Variants in ADGRL3 observed in about 807,000 individuals in gnomAD.
The protein encoded by ADGRL3 is calcium-independent alpha-latrotoxin receptor 3.
In ADGRL3, 62 loss-of-function variants were observed where a neutral mutation model predicts 153.5. The observed-to-expected ratio is 0.40, with a 90% CI of 0.33 to 0.50. ADGRL3 has a LOEUF of 0.50. Among genes scored for constraint, ADGRL3 ranks in the 20% least tolerant of loss-of-function variants. ADGRL3 has a pLI of 0.47. For synonymous variants in ADGRL3, 710 were observed against 672.5 expected, an observed-to-expected ratio of 1.06 and a Z score of -0.86; for missense variants, 1,641 against 1,859.4, an observed-to-expected ratio of 0.88 and a Z score of 2.16.
intron 8 of ADGRL3, among the ~76,000 whole-genome samples, chr4:61,752,264 GA>G (rs2096766605): frequency 6.6e-6 from 1 of 152,052 alleles, no homozygotes; most frequent in South Asian, 2.1e-4. Flanking sequence ...GCTTCCTAAG[GA>G]AATAAAGACC....
chr4:61,574,279 C>G (rs1314739477), intron 4 of ADGRL3, among the ~76,000 whole-genome samples: 1 of 151,800 alleles, frequency 6.6e-6, no homozygotes, highest in African/African-American at 2.4e-5. Context: ...TAACATCTTG[C>G]ATATATTGAG....
At chr4:61,598,312 G>T (rs913708892) in intron 5 of ADGRL3, among the ~76,000 whole-genome samples, 1 of 152,122 alleles carries the variant, frequency 6.6e-6, no homozygotes, top group African/African-American at 2.4e-5. Flanking sequence ...CAGAAAAGTG[G>T]ATCTTAATGT....
chr4:61,869,386 C>T (rs1202593718), intron 9 of ADGRL3, among the ~76,000 whole-genome samples: 1 of 151,606 alleles, frequency 6.6e-6, no homozygotes, highest in Non-Finnish European at 1.5e-5. Flanking sequence ...ATCATGAGGT[C>T]AGGAGATCGA....
At chr4:61,266,418 T>G (rs1363179691) in intron 1 of ADGRL3, among the ~76,000 whole-genome samples, 1 of 151,858 alleles carries the variant, frequency 6.6e-6, no homozygotes, top group Non-Finnish European at 1.5e-5. Context: ...GGAGGACTTT[T>G]ACATAGTGGG....
intron 1 of ADGRL3, among the ~76,000 whole-genome samples, chr4:61,291,605 C>CATATATATATATATATAT (rs2094212519): frequency 1.2e-4 from 1 of 8,040 alleles, no homozygotes; most frequent in Non-Finnish European, 3.2e-4. Context: ...TATATATATA[C>CATATATATATATATATAT]ACACACATAT....
At chr4:61,993,164 TTGTGTGTG>T (rs3065140) in intron 19 of ADGRL3, among the ~76,000 whole-genome samples, 10 of 138,422 alleles carry the variant, frequency 7.2e-5, no homozygotes, top group South Asian at 5.0e-4. Context: ...TGGGCTGCAG[TTGTGTGTG>T]TGTGTGTGTG....
rs2098634072 is a variant in ADGRL3 at position 61,896,769 on chromosome 4, G to A, written c.1887+935G>A. The stretch of plus-strand genomic sequence containing the variant: ...CGTACTTGTTGCTATTCATAATGAT[G>A]CTTCTCCAGTTTCAGCACTGTTCCT... On this transcript the variant is annotated intron_variant, in intron 11 of 26. Coordinates refer to ENST00000683033, the MANE Select transcript of ADGRL3 (RefSeq NM_001387552.1). 7.2e-5 allele frequency among the ~76,000 whole-genome samples: 11 copies of A among 152,060 alleles called. No individual in the cohort carries two copies. In the South Asian group the frequency reaches 2.3e-3, roughly 32 times the overall value.
chr4:61,895,052 G>GT (rs1392966282), intron 10 of ADGRL3, among the ~76,000 whole-genome samples: 7 of 151,842 alleles, frequency 4.6e-5, no homozygotes, highest in South Asian at 4.2e-4. Context: ...TTTCCACCTT[G>GT]TTTTTTTTCT....
At chr4:61,500,029 C>CAGAGAGAGAGAG (rs10673228) in intron 3 of ADGRL3, among the ~76,000 whole-genome samples, 5,220 of 140,408 alleles carry the variant, frequency 0.037, 146 homozygotes, top group Middle Eastern at 0.05. Context: ...CACACAGAAA[C>CAGAGAGAGAGAG]AGAGAGAGAG....
At chr4:61,335,715 C>T (rs996273991) in intron 1 of ADGRL3, among the ~76,000 whole-genome samples, 2 of 152,088 alleles carry the variant, frequency 1.3e-5, no homozygotes, top group African/African-American at 4.8e-5. Flanking sequence ...ACTTATATAC[C>T]TCTAGGACAA....
chr4:61,552,800 T>A (rs1365967065), intron 4 of ADGRL3, among the ~76,000 whole-genome samples: 1 of 152,142 alleles, frequency 6.6e-6, no homozygotes, highest in Non-Finnish European at 1.5e-5. Context: ...AAGAATACAC[T>A]ATTAGACTTT....
At chr4:61,522,963 G>C (rs1372933630) in intron 4 of ADGRL3, among the ~76,000 whole-genome samples, 1 of 152,034 alleles carries the variant, frequency 6.6e-6, no homozygotes, top group East Asian at 1.9e-4. Context: ...TTGAATCCAA[G>C]TGATTTTCCC....
intron 8 of ADGRL3, among the ~76,000 whole-genome samples, chr4:61,784,120 A>G (rs191084245): frequency 1.3e-5 from 2 of 152,236 alleles, no homozygotes; most frequent in Non-Finnish European, 2.9e-5. Flanking sequence ...CTCTTGCTCA[A>G]TATTTTTCAT....
At chr4:61,360,521 T>G (rs1578425965) in intron 1 of ADGRL3, among the ~76,000 whole-genome samples, 1 of 152,278 alleles carries the variant, frequency 6.6e-6, no homozygotes, top group Non-Finnish European at 1.5e-5. Context: ...AAGTTATGGT[T>G]GGTAAACATG....
At chr4:61,792,749 AG>A (rs1218922440) in intron 8 of ADGRL3, among the ~76,000 whole-genome samples, 1 of 151,996 alleles carries the variant, frequency 6.6e-6, no homozygotes, top group Non-Finnish European at 1.5e-5. Flanking sequence ...CAGCCTCCCA[AG>A]GTGCTGGGAT....
At chr4:61,212,637 G>A (rs1560359166) in intron 1 of ADGRL3, among the ~76,000 whole-genome samples, 1 of 152,014 alleles carries the variant, frequency 6.6e-6, no homozygotes, top group Non-Finnish European at 1.5e-5. Context: ...TACTTTTCAT[G>A]TATTCAAAAA....
chr4:61,226,793 G>GAAA (rs35045517), intron 1 of ADGRL3, among the ~76,000 whole-genome samples: 33 of 148,174 alleles, frequency 2.2e-4, no homozygotes, highest in East Asian at 1.8e-3. Context: ...GTGTTAGTAG[G>GAAA]AAAAAAAAAA....
intron 5 of ADGRL3, among the ~76,000 whole-genome samples, chr4:61,630,528 T>C (rs1467144092): frequency 6.6e-6 from 1 of 152,218 alleles, no homozygotes; most frequent in East Asian, 1.9e-4. Context: ...ACTCTTTCTC[T>C]TTTTATCCTT....
rs1192665767 is a variant in ADGRL3, at chr4:62,076,455, C to T, written c.*5547C>T. 1 of 151,996 alleles carries T rather than the reference C, an allele frequency of 6.6e-6. No homozygotes were observed. The highest frequency in any genetic ancestry group is 2.4e-5 in the African/African-American group (1 of 41,396). 9.4% of individuals were successfully genotyped at this position (151,996 alleles called of 1,614,324 possible). ...CAAGTCTCTTCAACCACAATATGAACAACGGAAGAGCAGAAACCAAACAAG... is the reference window on the plus strand; with the variant it reads ...CAAGTCTCTTCAACCACAATATGAATAACGGAAGAGCAGAAACCAAACAAG... On this transcript the variant is annotated 3_prime_UTR_variant, in exon 27 of 27. Transcript: ENST00000683033.
Sources: allele counts gnomAD v4.1 joint callset (sites outside exome capture counted in the v4.1 genomes callset), GRCh38; gene constraint gnomAD v4.1.1; transcripts MANE v1.5; gene names NCBI Gene and HGNC (gene_info 2026-07-23, HGNC 2026-07-21).